The following CCSER2 variants were observed in gnomAD, a reference collection of about 807,000 sequenced individuals.
CCSER2 encodes coiled-coil serine rich protein 2, also known as serine-rich coiled-coil domain-containing protein 2.
CCSER2 carries 46 observed loss-of-function variants against 92.3 expected under a neutral mutation model. The observed-to-expected ratio is 0.50, with a 90% CI of 0.39 to 0.64. The LOEUF is 0.64. Ranked by LOEUF, CCSER2 falls within the 30% of genes least tolerant of loss-of-function variation. The pLI, the probability that CCSER2 is intolerant of heterozygous loss-of-function variation, is 0.00. For synonymous variants in CCSER2, 433 were observed against 431.4 expected (o/e 1.00, Z -0.04); for missense variants, 1,244 against 1,238.9 (o/e 1.00, Z -0.06).
rs59244448 is a variant in CCSER2, at chr10:84,420,932, CAAA to C, written c.1705+3086_1705+3088del. On this transcript the variant is annotated intron_variant, in intron 4 of 9. Transcript: ENST00000372088. ...TGGGCGACAGAGCGAGACTCCATCT[CAAA>C]AAAAAAAAAAAAAAGGTTTAGATTG... Among the ~76,000 whole-genome samples, 373 of 84,800 alleles carry C rather than the reference CAAA, an allele frequency of 4.4e-3. 10 individuals are homozygous for C. The highest frequency in any genetic ancestry group is 0.04 in the Admixed American group (317 of 8,010). 55.6% of individuals were successfully genotyped at this position (84,800 alleles called of 152,430 possible).
intron 4 of CCSER2, among the ~76,000 whole-genome samples, chr10:84,424,262 A>G (rs1366674483): frequency 6.6e-6 from 1 of 151,624 alleles, no homozygotes; most frequent in Non-Finnish European, 1.5e-5. Context: ...TTATTTGTGA[A>G]GTTTTCTATA....
At chr10:84,395,995 ACTTCT>A (rs1420322662) in intron 3 of CCSER2, among the ~76,000 whole-genome samples, 2 of 152,090 alleles carry the variant, frequency 1.3e-5, no homozygotes, top group South Asian at 2.1e-4. Context: ...ATACACACAC[ACTTCT>A]CTTCTATATT....
chr10:84,401,421 A>G (rs1842113111), intron 3 of CCSER2, among the ~76,000 whole-genome samples: 1 of 152,206 alleles, frequency 6.6e-6, no homozygotes, highest in Non-Finnish European at 1.5e-5. Context: ...TGAGAAATTA[A>G]GCACATAAAT....
At chr10:84,488,828 G>T (rs1465023186) in intron 9 of CCSER2, among the ~76,000 whole-genome samples, 1 of 152,136 alleles carries the variant, frequency 6.6e-6, no homozygotes. Flanking sequence ...TAATTGCGAT[G>T]TTAGGGTGTC....
chr10:84,489,714 T>A (rs1455715310), intron 9 of CCSER2, among the ~76,000 whole-genome samples: 1 of 152,250 alleles, frequency 6.6e-6, no homozygotes, highest in East Asian at 1.9e-4. Flanking sequence ...CTGTGTCTTT[T>A]AATTGGAGCA....
At chr10:84,389,407 G>A in intron 3 of CCSER2, 1 of 498,366 alleles carries the variant, frequency 2.0e-6, no homozygotes, top group South Asian at 1.5e-5. Flanking sequence ...GCAGTTCCTT[G>A]AGGGCTTTGA....
chr10:84,452,637 A>G (rs1004648870), intron 6 of CCSER2, among the ~76,000 whole-genome samples: 1 of 152,042 alleles, frequency 6.6e-6, no homozygotes, highest in African/African-American at 2.4e-5. Context: ...GTTGCTATGG[A>G]TTTTTTGTAC....
chr10:84,385,004 AACACACAC>A (rs56977232), intron 3 of CCSER2, among the ~76,000 whole-genome samples: 7 of 145,788 alleles, frequency 4.8e-5, no homozygotes, highest in Admixed American at 2.1e-4. Context: ...ATTTACAATA[AACACACAC>A]ACACACACAC....
At chr10:84,490,290 T>C (rs1197138481) in intron 9 of CCSER2, among the ~76,000 whole-genome samples, 1 of 152,200 alleles carries the variant, frequency 6.6e-6, no homozygotes, top group Non-Finnish European at 1.5e-5. Context: ...TTGGCCTGCC[T>C]TGCTAGGTTG....
chr10:84,358,397 A>G (rs570527689), intron 1 of CCSER2, among the ~76,000 whole-genome samples: 2 of 152,052 alleles, frequency 1.3e-5, no homozygotes, highest in East Asian at 1.9e-4. Flanking sequence ...GTCTTTTCCT[A>G]TATGTTCACT....
chr10:84,485,807 A>G (rs1448045070), intron 9 of CCSER2, among the ~76,000 whole-genome samples: 1 of 152,118 alleles, frequency 6.6e-6, no homozygotes, highest in Non-Finnish European at 1.5e-5. Flanking sequence ...GGTTTGTTAC[A>G]TATGTCTACA....
At chr10:84,405,260 C>T (rs1041515648) in intron 3 of CCSER2, among the ~76,000 whole-genome samples, 4 of 151,974 alleles carry the variant, frequency 2.6e-5, no homozygotes, top group Admixed American at 6.6e-5. Context: ...ACCATTTGAT[C>T]GTTCATATAT....
intron 9 of CCSER2, chr10:84,507,229 G>T: frequency 2.7e-6 from 2 of 733,454 alleles, no homozygotes; most frequent in Non-Finnish European, 3.3e-6. Context: ...GGTGTTGTGT[G>T]TGGTCTCTGA....
At chr10:84,413,000 T>C (rs1417273245) in intron 3 of CCSER2, among the ~76,000 whole-genome samples, 2 of 152,248 alleles carry the variant, frequency 1.3e-5, no homozygotes, top group African/African-American at 4.8e-5. Context: ...ATTCCCCTTA[T>C]CATTTCTGAT....
At chr10:84,456,031 G>A (rs868367280) in intron 6 of CCSER2, 10 of 488,550 alleles carry the variant, frequency 2.0e-5, no homozygotes, top group African/African-American at 1.6e-4. Context: ...TCTTCTAGAT[G>A]TTTCTGTAGC....
intron 9 of CCSER2, chr10:84,507,280 A>T (rs1222190982): frequency 2.0e-6 from 2 of 983,450 alleles, no homozygotes; most frequent in Non-Finnish European, 2.4e-6. Flanking sequence ...CTCTCCCATT[A>T]TGCCATTGGC....
At chr10:84,385,654 A>G (rs1482151971) in intron 3 of CCSER2, among the ~76,000 whole-genome samples, 1 of 152,238 alleles carries the variant, frequency 6.6e-6, no homozygotes, top group African/African-American at 2.4e-5. Context: ...AAATCCGTGA[A>G]GAAAACCTAG....
intron 9 of CCSER2, among the ~76,000 whole-genome samples, chr10:84,482,132 A>G (rs1413959848): frequency 1.3e-5 from 2 of 152,152 alleles, no homozygotes; most frequent in African/African-American, 4.8e-5. Context: ...TTTCAGAAGA[A>G]ATGAAGGAAA....
At chr10:84,334,485 A>G (rs1220204922) in intron 1 of CCSER2, among the ~76,000 whole-genome samples, 2 of 152,094 alleles carry the variant, frequency 1.3e-5, no homozygotes, top group African/African-American at 4.8e-5. Context: ...TTACTTCTCT[A>G]CCTTTAAAGA....
Sources: allele counts gnomAD v4.1 joint callset (sites outside exome capture counted in the v4.1 genomes callset), GRCh38; gene constraint gnomAD v4.1.1; transcripts MANE v1.5; gene names NCBI Gene and HGNC (gene_info 2026-07-23, HGNC 2026-07-21).